KIAA1549L: variants seen among roughly 807,000 people sequenced by gnomAD.
KIAA1549L encodes KIAA1549 like, also known as UPF0606 protein KIAA1549L.
A neutral mutation model predicts 160.7 loss-of-function variants in KIAA1549L; 88 were observed. That is an observed-to-expected ratio of 0.55 (90% confidence interval 0.46 to 0.65). The LOEUF (loss-of-function observed/expected upper bound fraction) is 0.65. Among genes scored for constraint, KIAA1549L ranks in the 30% least tolerant of loss-of-function variants. The probability of loss-of-function intolerance (pLI) is 0.00; values close to 1 mark genes in which losing one functional copy is unlikely to be tolerated. For synonymous variants in KIAA1549L, 950 were observed against 976.7 expected, an observed-to-expected ratio of 0.97 and a Z score of 0.51; for missense variants, 2,258 against 2,437.5, an observed-to-expected ratio of 0.93 and a Z score of 1.55.
intron 1 of KIAA1549L, among the ~76,000 whole-genome samples, chr11:33,523,439 C>G (rs1183486196): frequency 6.6e-6 from 1 of 152,124 alleles, no homozygotes; most frequent in South Asian, 2.1e-4. Context: ...GAACATATGT[C>G]TTGACATGAT....
chr11:33,660,434 A>G (rs915823193), intron 19 of KIAA1549L, among the ~76,000 whole-genome samples: 5 of 152,150 alleles, frequency 3.3e-5, no homozygotes, highest in Non-Finnish European at 5.9e-5. Context: ...GCACAGTGGC[A>G]GGCGCTTGTA....
chr11:33,646,001 C>A lies in KIAA1549L; in HGVS notation c.5725C>A (p.Arg1909Ser), dbSNP rs745832749. The change falls in exon 17 of 21, where the codon CGC becomes AGC. Residue 1909 changes from arginine to serine, a missense_variant. Physicochemically the swap from Arg to Ser is moderately radical, Grantham distance 110. Transcript: ENST00000658780. Reference sequence around the variant, plus strand: ...CGGGGTGCAGTGGGTGCCGACCTACCGCCCAGAAATGTATCAGTACAGTCT... The same window carrying A: ...CGGGGTGCAGTGGGTGCCGACCTACAGCCCAGAAATGTATCAGTACAGTCT... ...RAGVQWVPTYRPEMYQYSLPR... is the reference protein window; with the variant it reads ...RAGVQWVPTYSPEMYQYSLPR... 4 of 1,603,116 alleles carry A rather than the reference C, an allele frequency of 2.5e-6. No homozygotes were observed. The highest frequency in any genetic ancestry group is 3.4e-6 in the Non-Finnish European group (4 of 1,175,018).
chr11:33,507,735 A>G (rs1356271144), intron 1 of KIAA1549L, among the ~76,000 whole-genome samples: 1 of 152,184 alleles, frequency 6.6e-6, no homozygotes, highest in African/African-American at 2.4e-5. Context: ...CAGAGTAAGT[A>G]CTCAACTATT....
rs1431712727 is a variant in KIAA1549L, at chr11:33,551,212, C to T, written c.3674C>T (p.Ala1225Val). The T allele has an allele frequency of 1.9e-6, 3 of 1,613,782 alleles. No homozygotes were observed. The highest frequency in any genetic ancestry group is 1.1e-5 in the South Asian group (1 of 91,072). Residue 1225 changes from alanine (A) to valine (V), a missense_variant, in exon 5 of 21, where the codon GCC (alanine) becomes GTC (valine). Ala to Val is a moderately conservative substitution (Grantham distance 64). Around this residue, in one of 6 missense-constraint regions of KIAA1549L, gnomAD observed 1,359 missense variants for 1,546.6 expected, o/e 0.88. Transcript: ENST00000658780. ...TPHLQSVAVL[A>V]SPWNPQPAGY... ...CACTTACAGTCTGTGGCAGTACTTG[C>T]CTCCCCATGGAATCCCCAGCCTGCA...
At chr11:33,570,260 C>A (rs1017596969) in intron 9 of KIAA1549L, among the ~76,000 whole-genome samples, 2 of 152,148 alleles carry the variant, frequency 1.3e-5, no homozygotes, top group African/African-American at 4.8e-5. Context: ...CCTCAGCCTC[C>A]CAAAGTGCTG....
chr11:33,472,767 C>T (rs1161381559), intron 1 of KIAA1549L, among the ~76,000 whole-genome samples: 4 of 152,116 alleles, frequency 2.6e-5, no homozygotes, highest in South Asian at 4.1e-4. Flanking sequence ...CACCACAGTC[C>T]GTATTATATC....
chr11:33,398,235 T>C (rs1035061327), intron 1 of KIAA1549L, among the ~76,000 whole-genome samples: 4 of 151,396 alleles, frequency 2.6e-5, no homozygotes, highest in African/African-American at 9.7e-5. Context: ...TGGTTAGCTA[T>C]TAGATAGTAA....
At chr11:33,657,953 T>G (rs892017401) in intron 18 of KIAA1549L, among the ~76,000 whole-genome samples, 2 of 152,198 alleles carry the variant, frequency 1.3e-5, no homozygotes, top group Non-Finnish European at 2.9e-5. Flanking sequence ...GCAGCTGTCT[T>G]TGCCTCTCTC....
intron 9 of KIAA1549L, among the ~76,000 whole-genome samples, chr11:33,569,415 A>T (rs1855165564): frequency 6.6e-6 from 1 of 152,128 alleles, no homozygotes; most frequent in Non-Finnish European, 1.5e-5. Context: ...TGAGCAGACT[A>T]CCCCTGGCAT....
intron 1 of KIAA1549L, among the ~76,000 whole-genome samples, chr11:33,430,258 C>T (rs1851211373): frequency 6.9e-6 from 1 of 144,822 alleles, no homozygotes; most frequent in Admixed American, 6.8e-5. Flanking sequence ...CCCTCTCTCC[C>T]TCCCTCCCTC....
intron 1 of KIAA1549L, among the ~76,000 whole-genome samples, chr11:33,493,331 T>A (rs1199252652): frequency 6.6e-6 from 1 of 152,204 alleles, no homozygotes; most frequent in Non-Finnish European, 1.5e-5. Context: ...TGCCATAGGA[T>A]GATGCAGCAC....
At chr11:33,613,643 C>T (rs1027445276) in intron 15 of KIAA1549L, among the ~76,000 whole-genome samples, 1 of 152,130 alleles carries the variant, frequency 6.6e-6, no homozygotes, top group Admixed American at 6.5e-5. Context: ...GGATCCACCC[C>T]CATGATCCAG....
intron 1 of KIAA1549L, among the ~76,000 whole-genome samples, chr11:33,477,289 G>A (rs774960067): frequency 6.6e-6 from 1 of 152,100 alleles, no homozygotes; most frequent in Non-Finnish European, 1.5e-5. Context: ...TGGAACACTG[G>A]GTGGGGAGCT....
In KIAA1549L at chr11:33,645,938, G is replaced by A; in HGVS notation, c.5662G>A (p.Val1888Met). 1.2e-6 allele frequency: 2 copies of A among 1,613,072 alleles called. No individual in the cohort carries two copies. Among genetic ancestry groups the A allele is most frequent in the Non-Finnish European group, 1.7e-6 (2 of 1,179,508 alleles). ...SAQHLPYSEV[V>M]TSAPGTMTRP... ...CCAGCACCTGCCCTATTCGGAGGTG[G>A]TGACCAGCGCTCCGGGGACCATGAC... Residue 1888 changes from valine (V) to methionine (M), a missense_variant, in exon 17 of 21, where the codon GTG becomes ATG. Coordinates refer to ENST00000658780, the MANE Select transcript of KIAA1549L (RefSeq NM_012194.3).
At chr11:33,417,857 A>G (rs1850919940) in intron 1 of KIAA1549L, among the ~76,000 whole-genome samples, 1 of 152,188 alleles carries the variant, frequency 6.6e-6, no homozygotes, top group Admixed American at 6.5e-5. Context: ...AGCTCACTGC[A>G]ACCTTCGCCT....
chr11:33,459,095 T>C (rs12364593), intron 1 of KIAA1549L, among the ~76,000 whole-genome samples: 30,396 of 152,186 alleles, frequency 0.2, 3,514 homozygotes, highest in Middle Eastern at 0.31. Flanking sequence ...TGTTGATGGA[T>C]TGTATTTATA....
intron 12 of KIAA1549L, among the ~76,000 whole-genome samples, chr11:33,594,050 AAGAG>A (rs1017867130): frequency 6.6e-6 from 1 of 152,138 alleles, no homozygotes; most frequent in Non-Finnish European, 1.5e-5. Context: ...GAGAAGAACA[AAGAG>A]AGAGTAAGAT....
At chr11:33,554,115 T>C (rs780114537) in intron 6 of KIAA1549L, among the ~76,000 whole-genome samples, 2 of 152,198 alleles carry the variant, frequency 1.3e-5, no homozygotes, top group African/African-American at 2.4e-5. Context: ...TCAGGGCCCC[T>C]ATATTATGCA....
chr11:33,436,890 G>A (rs1459365119), intron 1 of KIAA1549L, among the ~76,000 whole-genome samples: 1 of 152,174 alleles, frequency 6.6e-6, no homozygotes, highest in Non-Finnish European at 1.5e-5. Context: ...GGCAGAGCTG[G>A]GATTTGAACC....
Sources: allele counts gnomAD v4.1 joint callset (sites outside exome capture counted in the v4.1 genomes callset), GRCh38; gene constraint gnomAD v4.1.1; regional missense constraint gnomAD v4.1.1; transcripts MANE v1.5; gene names NCBI Gene and HGNC (gene_info 2026-07-23, HGNC 2026-07-21).